The following TSPEAR variants were observed in gnomAD, a reference collection of about 807,000 sequenced individuals.
TSPEAR encodes thrombospondin type laminin G domain and EAR repeats, also known as thrombospondin-type laminin G domain and EAR repeat-containing protein.
Under a neutral mutation model 71.6 loss-of-function variants are expected in TSPEAR, and 69 were observed. That is an observed-to-expected ratio of 0.96 (90% CI 0.79 to 1.18). The LOEUF is 1.18. TSPEAR is among the 50% of genes most tolerant of loss of function. The pLI is 0.00. For synonymous variants in TSPEAR, 402 were observed against 387.2 expected (o/e 1.04, Z -0.45); for missense variants, 971 against 894.9 (o/e 1.09, Z -1.09).
intron 8 of TSPEAR, among the ~76,000 whole-genome samples, chr21:44,523,620 GTAGT>G (rs1303562357): frequency 8.6e-5 from 13 of 151,906 alleles, no homozygotes; most frequent in South Asian, 2.1e-4. Flanking sequence ...CATCAGTCAG[GTAGT>G]TAATCAGTCA....
rs1352426437 is a variant in TSPEAR at position 44,695,993 on chromosome 21, C to G, written c.82+15440G>C. ...GCCCTGGGGCTCTAGAGTCCTCAACCACAAAGGCTGCCGAATGTCTTCTTC... is the reference window on the plus strand; with the variant it reads ...GCCCTGGGGCTCTAGAGTCCTCAACGACAAAGGCTGCCGAATGTCTTCTTC... On this transcript the variant is annotated intron_variant, in intron 1 of 11. Coordinates refer to ENST00000323084, the MANE Select transcript of TSPEAR (RefSeq NM_144991.3). The surrounding 1 kb of genome is among the most constrained non-coding windows in gnomAD (Gnocchi z 4.5). 6.6e-6 allele frequency among the ~76,000 whole-genome samples: 1 copy of G among 152,204 alleles called. No individual in the cohort carries two copies. Among genetic ancestry groups the G allele is most frequent in the East Asian group, 1.9e-4 (1 of 5,198 alleles).
At chr21:44,645,313 C>T (rs1984252752) in intron 1 of TSPEAR, among the ~76,000 whole-genome samples, 1 of 151,088 alleles carries the variant, frequency 6.6e-6, no homozygotes, top group South Asian at 2.1e-4. Flanking sequence ...AATCTCTGAG[C>T]ATTCTCCTTA....
chr21:44,558,748 C>CGTGA lies in TSPEAR; in HGVS notation c.303+9033_303+9036dup, dbSNP rs782190680. On this transcript the variant is annotated intron_variant, in intron 2 of 11. Coordinates refer to ENST00000323084, the MANE Select transcript of TSPEAR (RefSeq NM_144991.3). ...TGGGGAGGAGGTGAGCTGGGGGAGA[C>CGTGA]GTGAGTGAGTGAGTGTGGGAGTGAG... 1.1e-5 allele frequency: 17 copies of CGTGA among 1,571,600 alleles called. No individual in the cohort carries two copies. The African/African-American group carries it at 2.0e-4, about 19-fold the overall frequency.
chr21:44,647,077 G>A (rs202058682), intron 1 of TSPEAR: 1 of 1,613,154 alleles, frequency 6.2e-7, no homozygotes, highest in African/African-American at 1.3e-5. Context: ...CTGTGTGCCT[G>A]TCTGCTCTAG....
At chr21:44,604,744 C>T (rs781995029) in intron 1 of TSPEAR, among the ~76,000 whole-genome samples, 7 of 152,144 alleles carry the variant, frequency 4.6e-5, no homozygotes, top group South Asian at 2.1e-4. Context: ...TGGCCTTTAT[C>T]GTGATGAGGT....
At chr21:44,511,618 C>T (rs1224163987) in intron 9 of TSPEAR, among the ~76,000 whole-genome samples, 2 of 152,258 alleles carry the variant, frequency 1.3e-5, no homozygotes, top group Non-Finnish European at 2.9e-5. Flanking sequence ...CACACACATG[C>T]ACCCACACAG....
chr21:44,576,396 C>T (rs939888381), intron 1 of TSPEAR, among the ~76,000 whole-genome samples: 23 of 122,422 alleles, frequency 1.9e-4, no homozygotes, highest in Admixed American at 8.8e-5. Context: ...GACACACGGA[C>T]GTCCCAGGGT....
At chr21:44,614,609 G>A (rs1296639964) in intron 1 of TSPEAR, among the ~76,000 whole-genome samples, 2 of 152,244 alleles carry the variant, frequency 1.3e-5, no homozygotes, top group African/African-American at 2.4e-5. Flanking sequence ...CCTCTGACGG[G>A]GCCTGCCTGG....
chr21:44,517,775 C>G (rs146120102), intron 9 of TSPEAR: 1 of 471,226 alleles, frequency 2.1e-6, no homozygotes, highest in South Asian at 1.5e-5. Context: ...CTCCTACCTC[C>G]TGATATCCAG....
At chr21:44,708,056 C>A (rs1286548735) in intron 1 of TSPEAR, among the ~76,000 whole-genome samples, 1 of 144,494 alleles carries the variant, frequency 6.9e-6, no homozygotes, top group Non-Finnish European at 1.5e-5. Flanking sequence ...CCACACAGCA[C>A]GAGGCGACAG....
intron 2 of TSPEAR, among the ~76,000 whole-genome samples, chr21:44,563,530 G>C (rs1555921385): frequency 2.0e-5 from 3 of 151,862 alleles, no homozygotes; most frequent in Admixed American, 2.0e-4. Context: ...GCTACATTAG[G>C]AAATATGCAC....
chr21:44,638,254 T>C, intron 1 of TSPEAR: 1 of 1,526,984 alleles, frequency 6.5e-7, no homozygotes, highest in African/African-American at 1.4e-5. Flanking sequence ...CCTCTCTGGC[T>C]TTGACACCCT....
chr21:44,517,471 T>C, intron 9 of TSPEAR: 1 of 283,550 alleles, frequency 3.5e-6, no homozygotes, highest in Non-Finnish European at 7.0e-6. Flanking sequence ...TGAGCACAGG[T>C]CCAGCTAGGC....
chr21:44,686,234 C>T (rs1435822753), intron 1 of TSPEAR: 1 of 152,384 alleles, frequency 6.6e-6, no homozygotes, highest in Non-Finnish European at 1.5e-5. Flanking sequence ...TCATGGGAAC[C>T]CCCAGCTCAG....
At chr21:44,592,963 T>C (rs1418800391) in intron 1 of TSPEAR, among the ~76,000 whole-genome samples, 1 of 151,992 alleles carries the variant, frequency 6.6e-6, no homozygotes, top group East Asian at 1.9e-4. Context: ...TGACCTGCCC[T>C]GGGCCATGGC....
chr21:44,594,478 C>T (rs1016766543), intron 1 of TSPEAR, among the ~76,000 whole-genome samples: 5 of 152,132 alleles, frequency 3.3e-5, no homozygotes, highest in South Asian at 2.1e-4. Context: ...CTTGCAAGAC[C>T]GACATTAAAG....
At chr21:44,675,911 G>T in intron 1 of TSPEAR, 1 of 766,592 alleles carries the variant, frequency 1.3e-6, no homozygotes, top group South Asian at 1.4e-5. Context: ...TACGGCGCTG[G>T]CATATGCTGT....
chr21:44,704,534 C>T (rs1987815854), intron 1 of TSPEAR, among the ~76,000 whole-genome samples: 1 of 152,244 alleles, frequency 6.6e-6, no homozygotes, highest in African/African-American at 2.4e-5. Context: ...AGACAGAACA[C>T]ACCAGACTTC....
intron 9 of TSPEAR, among the ~76,000 whole-genome samples, chr21:44,513,657 G>A (rs2052465561): frequency 6.6e-6 from 1 of 152,222 alleles, no homozygotes; most frequent in Admixed American, 6.5e-5. Flanking sequence ...CTCCCTCGAG[G>A]GCGGGTGGGC....
Sources: gnomAD v4.1 joint callset for allele counts (sites outside exome capture counted in the v4.1 genomes callset) on GRCh38, gnomAD v4.1.1 for gene constraint, Gnocchi (gnomAD v3.1) non-coding constraint, MANE v1.5 for transcripts, NCBI Gene and HGNC (gene_info 2026-07-23, HGNC 2026-07-21) for gene names.